LTK: variants seen among roughly 807,000 people sequenced by gnomAD.
The protein encoded by LTK is leukocyte receptor tyrosine kinase, also known as leukocyte tyrosine kinase receptor.
In LTK, 117 loss-of-function variants were observed where a neutral mutation model predicts 101.5. The ratio of observed to expected loss-of-function variants is 1.15; its 90% CI spans 0.99 to 1.34. The LOEUF (loss-of-function observed/expected upper bound fraction) is 1.34, where lower values mean the gene tolerates loss of function less well. Ranked by LOEUF, LTK falls within the 40% of genes most tolerant of loss-of-function variation. The probability of loss-of-function intolerance (pLI) is 0.00; values close to 1 mark genes in which losing one functional copy is unlikely to be tolerated. For synonymous variants in LTK, 563 were observed against 494.2 expected (o/e 1.14, Z -1.85); for missense variants, 1,252 against 1,164.7 (o/e 1.07, Z -1.09).
Position 41,513,611 on chromosome 15 carries a change from A to C in LTK, c.43+56T>G, listed in dbSNP as rs896288276. 2.6e-6 allele frequency: 4 copies of C among 1,563,668 alleles called. No homozygotes were observed. In the African/African-American group the frequency reaches 5.4e-5, roughly 21 times the overall value. On this transcript the variant is annotated intron_variant, in intron 1 of 19. Transcript: ENST00000263800. ...CCTGGCCTGTTGACCGGCCACCCCC[A>C]AGCCTAGGAAAGTGCCTCAGGCTGG...
At position 41,504,137 on chromosome 15, in the gene LTK, T is replaced by TG. The variant is rs1380788604; in HGVS notation, c.2453dup (p.Gln819ThrfsTer16). 6.2e-7 allele frequency: 1 copy of TG among 1,614,034 alleles called. No homozygotes were observed. The highest frequency in any genetic ancestry group is 1.3e-5 in the African/African-American group (1 of 75,058). ...TCTCTGGACTCAGTTCCTGGGGCTG[T>TG]GGGGGTCTTAGGCACTCCAAAGATC... On this transcript the variant is annotated frameshift_variant, in exon 20 of 20. Transcript: ENST00000263800. LOFTEE classifies it low-confidence loss of function (END_TRUNC).
At chr15:41,507,944 C>T in intron 9 of LTK, 125 bp downstream of exon 9, 2 of 1,052,146 alleles carry the variant, frequency 1.9e-6, no homozygotes, top group East Asian at 5.1e-5. Flanking sequence ...TCTCCAATCC[C>T]CTGCCCAGCA....
At chr15:41,505,672 C>T in intron 13 of LTK, 41 bp downstream of exon 13, 1 of 1,611,492 alleles carries the variant, frequency 6.2e-7, no homozygotes, top group Middle Eastern at 1.7e-4. Flanking sequence ...CCCGGGCATT[C>T]CCCTCCCGCC....
rs776270325 is a variant in LTK at position 41,504,820 on chromosome 15, G to A, written c.2073C>T (p.Pro691=). 6.2e-7 allele frequency: 1 copy of A among 1,613,376 alleles called. No homozygotes were observed. Among genetic ancestry groups the A allele is most frequent in the Admixed American group, 1.7e-5 (1 of 59,892 alleles). The change falls in exon 17 of 20, where the codon CCC becomes CCT. Residue 691 remains proline (P), a synonymous_variant. Coordinates refer to ENST00000263800, the MANE Select transcript of LTK (RefSeq NM_002344.6). ...DRALLPVKWM[P]PEAFLEGIFT... ...AGATGCCCTCCAGGAAGGCCTCTGG[G>A]GGCATCCACTTGACTGGGAGCAAGG...
rs201042826 is a variant in LTK at position 41,505,083 on chromosome 15, A to T, written c.1926-19T>A. 1.1e-4 allele frequency: 174 copies of T among 1,602,132 alleles called. No homozygotes were observed. The East Asian group carries it at 3.8e-3, about 35-fold the overall frequency. On this transcript the variant is annotated intron_variant, in intron 15 of 19. Coordinates refer to ENST00000263800, the MANE Select transcript of LTK (RefSeq NM_002344.6). Reference sequence around the variant, plus strand: ...AATATCCCTACAGAGTAGGCAAAAAAAATCACTGCCAGAATCTAGAAGTTC... The same window carrying T: ...AATATCCCTACAGAGTAGGCAAAAATAATCACTGCCAGAATCTAGAAGTTC...
At position 41,512,834 on chromosome 15, in the gene LTK, G is replaced by T. The variant is rs370330041; in HGVS notation, c.232C>A (p.Arg78=). 2 of 1,612,188 alleles carry T rather than the reference G, an allele frequency of 1.2e-6. No homozygotes were observed. Among genetic ancestry groups the T allele is most frequent in the Admixed American group, 3.3e-5 (2 of 59,940 alleles). The part of the protein sequence containing the change: ...WLFSTCGASG[R]HGPTQTQCDG... The stretch of plus-strand genomic sequence containing the variant: ...CATTGTGTCTGTGTGGGCCCATGCC[G>T]GCCGCTGGCCCCGCAGGTAGAAAAC... The change falls in exon 3 of 20, where the codon CGG becomes AGG. Residue 78 remains arginine, a synonymous_variant. Coordinates refer to ENST00000263800, the MANE Select transcript of LTK (RefSeq NM_002344.6).
chr15:41,506,092 C>T (rs2051272697), intron 11 of LTK, 87 bp from the exon 12 acceptor site: 2 of 816,156 alleles, frequency 2.5e-6, no homozygotes, highest in East Asian at 2.4e-5. Context: ...CTCCCCTGCC[C>T]CTGCCATATG....
chr15:41,505,709 G>A lies in LTK; in HGVS notation c.1697+4C>T. On this transcript the variant is annotated splice_donor_region_variant and intron_variant, in intron 13 of 19. Transcript: ENST00000263800. Reference sequence around the variant, plus strand: ...TCCAGCCCTGCCCCTGGTCCCAGGTGCACCTGATGATGAGGGCCTCCATGA... The same window carrying A: ...TCCAGCCCTGCCCCTGGTCCCAGGTACACCTGATGATGAGGGCCTCCATGA... 1.2e-6 allele frequency: 2 copies of A among 1,613,682 alleles called. No individual in the cohort carries two copies. The highest frequency in any genetic ancestry group is 1.7e-6 in the Non-Finnish European group (2 of 1,179,886).
chr15:41,509,153 G>A (rs767009415), intron 7 of LTK, 24 bp from the exon 8 acceptor site: 1 of 1,433,790 alleles, frequency 7.0e-7, no homozygotes, highest in South Asian at 1.1e-5. Context: ...GTGATGGAGA[G>A]TTTGACTACA....
At chr15:41,508,420 TG>T (rs2051354719) in intron 8 of LTK, among the ~76,000 whole-genome samples, 199 bp from the exon 9 acceptor site, 1 of 146,926 alleles carries the variant, frequency 6.8e-6, no homozygotes, top group Admixed American at 6.8e-5. Context: ...TAGCCGGGTG[TG>T]GTGGCGCACG....
chr15:41,509,030 C>G lies in LTK; in HGVS notation c.1096+1G>C, dbSNP rs759659772. The G allele has an allele frequency of 1.2e-6, 2 of 1,600,540 alleles. No homozygotes were observed. Among genetic ancestry groups the G allele is most frequent in the Non-Finnish European group, 1.7e-6 (2 of 1,172,992 alleles). On this transcript the variant is annotated splice_donor_variant, in intron 8 of 19. Transcript: ENST00000263800. LOFTEE classifies it high-confidence loss of function. ...CTCAGAGGTGGGGTTGGGGCCAATACCTGCCAGAGGCTGCAGGAAGAGCTC... is the reference window on the plus strand; with the variant it reads ...CTCAGAGGTGGGGTTGGGGCCAATAGCTGCCAGAGGCTGCAGGAAGAGCTC...
intron 9 of LTK, 114 bp downstream of exon 9, chr15:41,507,955 C>A: frequency 8.6e-7 from 1 of 1,166,872 alleles, no homozygotes; most frequent in East Asian, 2.5e-5. Context: ...CTGCCCAGCA[C>A]CCACCACAGG....
rs1307569062 is a variant in LTK, at chr15:41,508,178, G to A, written c.1140C>T (p.Asn380=). ...HGEVEIRRHL[N]CSHCPLRDCQ... is the part of the protein sequence containing the mutation. ...AGTCTCTCAAAGGGCAGTGACTGCA[G>A]TTGAGGTGCCTTCGGATCTCTACCT... The change falls in exon 9 of 20, where the codon AAC becomes AAT. Residue 380 remains asparagine, a synonymous_variant. Coordinates refer to ENST00000263800, the MANE Select transcript of LTK (RefSeq NM_002344.6). The A allele has an allele frequency of 6.2e-7, 1 of 1,613,558 alleles. No individual in the cohort carries two copies. Among genetic ancestry groups the A allele is most frequent in the Non-Finnish European group, 8.5e-7 (1 of 1,179,844 alleles).
rs780928538 is a variant in LTK at position 41,512,788 on chromosome 15, G to T, written c.278C>A (p.Thr93Asn). ...GGCCCCCACGGTCACCACCACGCTG[G>T]TCCCCGCGTACGCCCCGTCACATTG... Reference protein sequence around the residue: ...QTQCDGAYAGTSVVVTVGAAG... With the variant: ...QTQCDGAYAGNSVVVTVGAAG... Residue 93 changes from threonine to asparagine, a missense_variant, in exon 3 of 20, where the codon ACC becomes AAC. By Grantham distance (65) the Thr-to-Asn change is moderately conservative. Coordinates refer to ENST00000263800, the MANE Select transcript of LTK (RefSeq NM_002344.6). 6.2e-7 allele frequency: 1 copy of T among 1,612,114 alleles called. No individual in the cohort carries two copies. The highest frequency in any genetic ancestry group is 8.5e-7 in the Non-Finnish European group (1 of 1,179,654).
Position 41,513,076 on chromosome 15 carries a change from G to C in LTK, c.88C>G (p.Arg30Gly), listed in dbSNP as rs763409325. 6 of 1,610,572 alleles carry C rather than the reference G, an allele frequency of 3.7e-6. No individual in the cohort carries two copies. Among genetic ancestry groups the C allele is most frequent in the Non-Finnish European group, 5.1e-6 (6 of 1,178,894 alleles). The stretch of plus-strand genomic sequence containing the variant: ...CTTGCCAGCGGCAGGGGCGAGGACC[G>C]CAGAAAAGTCTCCTGGGACCCCGGG... ...SSPGSQETFL[R>G]SSPLPLASPS... The change falls in exon 2 of 20, where the codon CGG becomes GGG. Residue 30 changes from arginine (R) to glycine (G), a missense_variant. By Grantham distance (125) the Arg-to-Gly change is moderately radical. Transcript: ENST00000263800.
At chr15:41,507,844 C>T (rs1246683505) in intron 9 of LTK, among the ~76,000 whole-genome samples, 187 bp from the exon 10 acceptor site, 8 of 152,198 alleles carry the variant, frequency 5.3e-5, no homozygotes, top group Admixed American at 5.2e-4. Flanking sequence ...CCACAACAAT[C>T]GTCACTTGAG....
intron 7 of LTK, among the ~76,000 whole-genome samples, chr15:41,509,533 G>A (rs910112391): frequency 3.9e-5 from 6 of 152,120 alleles, no homozygotes; most frequent in East Asian, 1.9e-4. Context: ...CTGAGAATTC[G>A]CATTTCTTTT....
chr15:41,505,653 G>C, intron 13 of LTK, 60 bp downstream of exon 13: 1 of 1,609,070 alleles, frequency 6.2e-7, no homozygotes, highest in Non-Finnish European at 8.5e-7. Context: ...AGGGTGAAGA[G>C]AAACTGTTCC....
In LTK at chr15:41,504,251, T is replaced by C. The variant is rs2051171470; in HGVS notation, c.2347-7A>G. On this transcript the variant is annotated splice_region_variant and splice_polypyrimidine_tract_variant and intron_variant, in intron 19 of 19. Coordinates refer to ENST00000263800, the MANE Select transcript of LTK (RefSeq NM_002344.6). The stretch of plus-strand genomic sequence containing the variant: ...AATTCAGCACATCCGGGTCCTGTAA[T>C]GGAAGAGTCAGGGAGCAGGGGGGCA... The C allele has an allele frequency of 3.7e-6, 6 of 1,606,584 alleles. No individual in the cohort carries two copies. The highest frequency in any genetic ancestry group is 1.1e-5 in the South Asian group (1 of 90,732).
Sources: gnomAD v4.1 joint callset for allele counts (sites outside exome capture counted in the v4.1 genomes callset) on GRCh38, gnomAD v4.1.1 for gene constraint, MANE v1.5 for transcripts, NCBI Gene and HGNC (gene_info 2026-07-23, HGNC 2026-07-21) for gene names.